Variants in FOXP2 observed in about 807,000 individuals in gnomAD.
FOXP2 encodes forkhead box protein P2.
A neutral mutation model predicts 115.8 loss-of-function variants in FOXP2; 12 were observed. The observed-to-expected ratio is 0.10, with a 90% CI of 0.07 to 0.17. FOXP2 has a LOEUF of 0.17. FOXP2 is among the 10% of genes least tolerant of loss of function. The probability of loss-of-function intolerance (pLI) is 1.00; values close to 1 mark genes in which losing one functional copy is unlikely to be tolerated. For missense variants in FOXP2, 629 were observed against 843.5 expected (o/e 0.75, Z 3.15); for synonymous variants, 328 against 297.7 (o/e 1.10, Z -1.05).
rs568613768 is a variant in FOXP2 at position 114,384,629 on chromosome 7, G to T, written c.-10-41873G>T. Among the ~76,000 whole-genome samples, 777 of 152,176 alleles carry T rather than the reference G, an allele frequency of 5.1e-3. 3 individuals are homozygous for T. The highest frequency in any genetic ancestry group is 7.9e-3 in the Non-Finnish European group (536 of 68,010). ...GTGGTAATTAAGATTTAAATCCCTT[G>T]TTAGGAAATCTGATGGGTTAAGGGA... On this transcript the variant is annotated intron_variant, in intron 2 of 17. Coordinates refer to the FOXP2 transcript ENST00000634411.
chr7:114,565,765 G>A (rs1411319344), intron 3 of FOXP2, among the ~76,000 whole-genome samples: 1 of 152,086 alleles, frequency 6.6e-6, no homozygotes, highest in African/African-American at 2.4e-5. Context: ...AGTAAGACAA[G>A]GCTAACTATA....
intron 1 of FOXP2, among the ~76,000 whole-genome samples, chr7:114,108,605 A>G (rs1197174659): frequency 7.9e-5 from 12 of 152,076 alleles, no homozygotes; most frequent in Admixed American, 7.9e-4. Context: ...ATGTATTTTT[A>G]AATGTAGAAC....
chr7:114,580,639 G>A (rs1014065852), intron 3 of FOXP2, among the ~76,000 whole-genome samples: 4 of 151,912 alleles, frequency 2.6e-5, no homozygotes, highest in Admixed American at 1.3e-4. Flanking sequence ...AGAATACAAC[G>A]ACTTGATTTT....
At chr7:114,348,533 T>A (rs1039088310) in intron 2 of FOXP2, among the ~76,000 whole-genome samples, 1 of 152,042 alleles carries the variant, frequency 6.6e-6, no homozygotes, top group African/African-American at 2.4e-5. Context: ...TTTTTCTATT[T>A]TTTTTAAACT....
intron 2 of FOXP2, among the ~76,000 whole-genome samples, chr7:114,469,796 T>C (rs983293400): frequency 2.0e-5 from 3 of 152,164 alleles, no homozygotes; most frequent in Admixed American, 6.5e-5. Flanking sequence ...ATAAAAGATA[T>C]TAAAATAATA....
At chr7:114,582,597 T>C (rs944720012) in intron 3 of FOXP2, among the ~76,000 whole-genome samples, 12 of 152,212 alleles carry the variant, frequency 7.9e-5, no homozygotes, top group African/African-American at 2.9e-4. Flanking sequence ...TAAGTGTTCT[T>C]TCCTTTTCCT....
At chr7:114,664,546 T>A in intron 16 of FOXP2, 110 bp downstream of exon 16, 1 of 1,299,270 alleles carries the variant, frequency 7.7e-7, no homozygotes, top group Non-Finnish European at 1.1e-6. Flanking sequence ...AATACAAATT[T>A]AAGTGGAGTT....
At chr7:114,491,206 T>C (rs2129243845) in intron 2 of FOXP2, among the ~76,000 whole-genome samples, 1 of 152,318 alleles carries the variant, frequency 6.6e-6, no homozygotes, top group East Asian at 1.9e-4. Context: ...TTCTAACTGG[T>C]GTGAGATGGT....
intron 2 of FOXP2, among the ~76,000 whole-genome samples, chr7:114,491,438 T>G (rs1388557876): frequency 6.6e-6 from 1 of 152,096 alleles, no homozygotes; most frequent in Non-Finnish European, 1.5e-5. Context: ...TGCAAAAATT[T>G]TCTCCCATTC....
chr7:114,355,626 T>C lies in FOXP2; in HGVS notation c.-11+67517T>C, dbSNP rs139913905. Reference sequence around the variant, plus strand: ...ATGTTACAGAGCTGCTTCTTATCTGTAGCAAGTCATTTATGTAGTTTAAAA... The same window carrying C: ...ATGTTACAGAGCTGCTTCTTATCTGCAGCAAGTCATTTATGTAGTTTAAAA... On this transcript the variant is annotated intron_variant, in intron 2 of 17. Transcript: ENST00000634411. Among the ~76,000 whole-genome samples the C allele has an allele frequency of 6.8e-3, 1,032 of 152,220 alleles. 14 individuals carry two copies. The highest frequency in any genetic ancestry group is 0.021 in the African/African-American group (891 of 41,538).
At chr7:114,346,903 T>G (rs1231511293) in intron 2 of FOXP2, among the ~76,000 whole-genome samples, 1 of 151,790 alleles carries the variant, frequency 6.6e-6, no homozygotes, top group Non-Finnish European at 1.5e-5. Flanking sequence ...AGAGAGGCTT[T>G]TGAAGGTTCT....
intron 3 of FOXP2, among the ~76,000 whole-genome samples, chr7:114,626,697 G>A (rs1804611228): frequency 6.6e-6 from 1 of 151,588 alleles, no homozygotes; most frequent in African/African-American, 2.4e-5. Context: ...ATAGTATGAG[G>A]TAAATGATTG....
intron 6 of FOXP2, among the ~76,000 whole-genome samples, chr7:114,635,672 T>G (rs1335418734): frequency 6.6e-6 from 1 of 152,184 alleles, no homozygotes; most frequent in Non-Finnish European, 1.5e-5. Flanking sequence ...ATAATTCTTG[T>G]AGAATTATTT....
At chr7:114,495,118 G>T (rs1454344946) in intron 2 of FOXP2, among the ~76,000 whole-genome samples, 10 of 152,144 alleles carry the variant, frequency 6.6e-5, no homozygotes, top group Admixed American at 5.9e-4. Context: ...TACACAAACT[G>T]TAAAATGTAA....
chr7:114,146,642 G>T (rs988141316), intron 1 of FOXP2, among the ~76,000 whole-genome samples: 9 of 152,226 alleles, frequency 5.9e-5, no homozygotes, highest in South Asian at 2.1e-4. Context: ...GAATGTATTT[G>T]AACATTATAA....
chr7:114,580,851 C>T lies in FOXP2; in HGVS notation c.258+46145C>T, dbSNP rs1801817004. Among the ~76,000 whole-genome samples, 3 of 151,990 alleles carry T rather than the reference C, an allele frequency of 2.0e-5. No homozygotes were observed. The South Asian group carries it at 6.2e-4, about 32-fold the overall frequency. On this transcript the variant is annotated intron_variant, in intron 3 of 16. Transcript: ENST00000350908. ...ATCTGCGTGTTCAGTAGGCAGTTAG[C>T]ACTGAGTTGGAGATGATGCATTTTT...
At chr7:114,102,590 C>T (rs1235573574) in intron 1 of FOXP2, among the ~76,000 whole-genome samples, 1 of 149,514 alleles carries the variant, frequency 6.7e-6, no homozygotes, top group Non-Finnish European at 1.5e-5. Flanking sequence ...ACCATTTAAA[C>T]ATGTAAAAAA....
At chr7:114,678,202 AC>A (rs1807879492) in intron 16 of FOXP2, among the ~76,000 whole-genome samples, 1 of 152,194 alleles carries the variant, frequency 6.6e-6, no homozygotes, top group Non-Finnish European at 1.5e-5. Flanking sequence ...AAATATTTCA[AC>A]CTAGTATTGA....
intron 1 of FOXP2, among the ~76,000 whole-genome samples, chr7:114,140,210 G>A (rs1792167664): frequency 6.6e-6 from 1 of 152,134 alleles, no homozygotes; most frequent in South Asian, 2.1e-4. Context: ...ATAGTATAAA[G>A]TTAGTTCTCA....
Sources: allele counts gnomAD v4.1 joint callset (sites outside exome capture counted in the v4.1 genomes callset), GRCh38; gene constraint gnomAD v4.1.1; transcripts MANE v1.5; gene names NCBI Gene and HGNC (gene_info 2026-07-23, HGNC 2026-07-21).